The following DNAH12 variants were observed in gnomAD, a reference collection of about 807,000 sequenced individuals.
The protein encoded by DNAH12 is dynein axonemal heavy chain 12, also known as axonemal beta dynein heavy chain 12.
Under a neutral mutation model 371.5 loss-of-function variants are expected in DNAH12, and 285 were observed. The ratio of observed to expected loss-of-function variants is 0.77; its 90% confidence interval spans 0.70 to 0.85. The LOEUF (loss-of-function observed/expected upper bound fraction) is 0.85, where lower values mean the gene tolerates loss of function less well. Ranked by LOEUF, DNAH12 falls within the 40% of genes least tolerant of loss-of-function variation. The pLI, the probability that DNAH12 is intolerant of heterozygous loss-of-function variation, is 0.00. For synonymous variants in DNAH12, 1,200 were observed against 1,213.0 expected (o/e 0.99, Z 0.22); for missense variants, 3,611 against 3,689.4 (o/e 0.98, Z 0.55).
Position 57,421,612 on chromosome 3 carries a change from A to T in DNAH12, c.5468T>A (p.Leu1823Gln), listed in dbSNP as rs752566246. ...VFDTFIRLII[L>Q]GKDDENPVPD... ...CACTGGGTTTTCATCATCTTTTCCC[A>T]GTATGATTAATCGTATGAAAGTATC... Residue 1823 changes from leucine to glutamine, a missense_variant, in exon 36 of 74, where the codon CTG becomes CAG. By Grantham distance (113) the Leu-to-Gln change is moderately radical. Coordinates refer to ENST00000495027, the MANE Select transcript of DNAH12 (RefSeq NM_001366028.2). The T allele has an allele frequency of 1.9e-6, 3 of 1,551,682 alleles. No individual in the cohort carries two copies. In the South Asian group the frequency reaches 3.6e-5, roughly 18 times the overall value.
rs557703399 is a variant in DNAH12, at chr3:57,413,645, C to T, written c.6020+101G>A. ...GTATAGGAAAATCTGAGCAACTATT[C>T]TTTTCCCTAAATATCTTGAAAAATG... On this transcript the variant is annotated intron_variant, in intron 39 of 73. Transcript: ENST00000495027. 1.2e-5 allele frequency: 16 copies of T among 1,280,922 alleles called. No homozygotes were observed. In the South Asian group the frequency reaches 2.3e-4, roughly 18 times the overall value. 79.3% of individuals were successfully genotyped at this position (1,280,922 alleles called of 1,614,324 possible). A position where few individuals can be genotyped will look rare whatever the true frequency, so the allele number is the denominator to read the frequency against.
chr3:57,552,676 G>GA, the DNAH12 span, among the ~76,000 whole-genome samples: 5 of 152,130 alleles, frequency 3.3e-5, no homozygotes, highest in South Asian at 1.0e-3. Flanking sequence ...TTGGGAGGCT[G>GA]AGGCAGGTGG....
At chr3:57,497,241 A>G (rs1368543432) in intron 11 of DNAH12, among the ~76,000 whole-genome samples, 5 of 152,234 alleles carry the variant, frequency 3.3e-5, no homozygotes, top group African/African-American at 1.2e-4. Context: ...TGATAGGTTG[A>G]TTTTAAAATG....
chr3:57,464,447 A>C (rs577685588), intron 17 of DNAH12, among the ~76,000 whole-genome samples: 7 of 152,312 alleles, frequency 4.6e-5, no homozygotes, highest in Non-Finnish European at 1.0e-4. Context: ...ACCCAAGCCA[A>C]ACCTGGGCTT....
At position 57,483,383 on chromosome 3, in the gene DNAH12, C is replaced by A; in HGVS notation, c.1643G>T (p.Arg548Met). The A allele has an allele frequency of 1.3e-6, 2 of 1,543,752 alleles. No homozygotes were observed. Among genetic ancestry groups the A allele is most frequent in the Non-Finnish European group, 1.7e-6 (2 of 1,145,310 alleles). ...RTVGIEELIL[R>M]IQESKRQMSY... ...CAAATTAAAATTCCTTACCTGGATC[C>A]TTAAAATCAACTCTTCGATTCCTAC... is the stretch of plus-strand genomic sequence containing the variant. The change falls in exon 13 of 74, where the codon AGG becomes ATG. Residue 548 changes from arginine (R) to methionine (M), a missense_variant. This residue lies in a region of DNAH12 where 1,314 missense variants were observed against 1,398.7 expected (regional missense o/e 0.94). Coordinates refer to ENST00000495027, the MANE Select transcript of DNAH12 (RefSeq NM_001366028.2).
intron 69 of DNAH12, among the ~76,000 whole-genome samples, chr3:57,308,103 G>A (rs551277314): frequency 7.9e-5 from 12 of 152,230 alleles, no homozygotes; most frequent in African/African-American, 2.9e-4. Flanking sequence ...TGGCAAATTG[G>A]CTTTACTTGA....
intron 34 of DNAH12, among the ~76,000 whole-genome samples, chr3:57,427,735 G>T (rs961587325): frequency 6.6e-6 from 1 of 151,834 alleles, no homozygotes; most frequent in South Asian, 2.1e-4. Flanking sequence ...GCCATGTGAA[G>T]ATGGAAGAAG....
chr3:57,499,321 C>T (rs1340746024), intron 11 of DNAH12, among the ~76,000 whole-genome samples: 1 of 151,866 alleles, frequency 6.6e-6, no homozygotes, highest in African/African-American at 2.4e-5. Flanking sequence ...TTTGTCAAAA[C>T]TCATATAACT....
In DNAH12 at chr3:57,446,940, C is replaced by T. The variant is rs560546733; in HGVS notation, c.3787-251G>A. Among the ~76,000 whole-genome samples the T allele has an allele frequency of 2.6e-5, 4 of 152,254 alleles. No individual in the cohort carries two copies. The Middle Eastern group carries it at 0.014, about 518-fold the overall frequency. On this transcript the variant is annotated intron_variant, in intron 25 of 73. Transcript: ENST00000495027. ...TAGGTATCCCATTTGTTTTTAAAAA[C>T]AATCTAGCCTTATGGGGGTAAAATT...
chr3:57,309,248 T>C lies in DNAH12; in HGVS notation c.11092A>G (p.Ser3698Gly). The C allele has an allele frequency of 6.5e-7, 1 of 1,545,176 alleles. No homozygotes were observed. The highest frequency in any genetic ancestry group is 1.2e-5 in the South Asian group (1 of 82,174). ...AGTGCCATTTCAATGTCGAAATCAC[T>C]AGGGAGCTAAAAGAATAGATTTTGA... ...ITKDILNKLP[S>G]DFDIEMALRK... is the part of the protein sequence containing the mutation. The change falls in exon 69 of 74, where the codon AGT (serine) becomes GGT (glycine). Residue 3698 changes from serine (S) to glycine (G), a missense_variant. Ser to Gly is a moderately conservative substitution (Grantham distance 56). Around this residue, in one of 3 missense-constraint regions of DNAH12, gnomAD observed 2,266 missense variants for 2,236.9 expected, o/e 1.01. Coordinates refer to ENST00000495027, the MANE Select transcript of DNAH12 (RefSeq NM_001366028.2).
chr3:57,297,152 T>C, intron 70 of DNAH12, 168 bp from the exon 71 acceptor site: 1 of 637,106 alleles, frequency 1.6e-6, no homozygotes, highest in Non-Finnish European at 2.7e-6. Flanking sequence ...CTCACCTCTT[T>C]CCCCTTCTAC....
chr3:57,415,937 C>T (rs968447759), intron 37 of DNAH12, among the ~76,000 whole-genome samples: 1 of 151,784 alleles, frequency 6.6e-6, no homozygotes, highest in South Asian at 2.1e-4. Context: ...TACAGGCATG[C>T]ACCACCACAC....
intron 35 of DNAH12, among the ~76,000 whole-genome samples, chr3:57,424,041 C>T (rs966803385): frequency 1.2e-4 from 18 of 152,106 alleles, no homozygotes; most frequent in Admixed American, 9.8e-4. Context: ...ACCCAGCCTA[C>T]TCCTGGTCTT....
Position 57,314,644 on chromosome 3 carries a change from A to C in DNAH12, c.10525-13T>G. Reference sequence around the variant, plus strand: ...ACTTCTCCCAGGCCTTTAATATAAAAAGTACATAACAAGAAAAAAAATTCC... The same window carrying C: ...ACTTCTCCCAGGCCTTTAATATAAACAGTACATAACAAGAAAAAAAATTCC... On this transcript the variant is annotated splice_polypyrimidine_tract_variant and intron_variant, in intron 65 of 73. Transcript: ENST00000495027. 6.6e-7 allele frequency: 1 copy of C among 1,524,928 alleles called. No individual in the cohort carries two copies. Among genetic ancestry groups the C allele is most frequent in the Non-Finnish European group, 8.8e-7 (1 of 1,140,294 alleles). The allele number at this position is 1,524,928 out of a possible 1,614,324, so 94.5% of individuals were successfully genotyped here.
At chr3:57,520,382 C>T (rs867383363) in intron 4 of DNAH12, among the ~76,000 whole-genome samples, 1 of 151,170 alleles carries the variant, frequency 6.6e-6, no homozygotes, top group African/African-American at 2.4e-5. Flanking sequence ...TGAGCCACTG[C>T]GCCTGACCGT....
At chr3:57,361,115 C>T (rs997166518) in intron 58 of DNAH12, among the ~76,000 whole-genome samples, 4 of 151,790 alleles carry the variant, frequency 2.6e-5, no homozygotes, top group Admixed American at 6.6e-5. Context: ...TTTGGGAGGC[C>T]GAGACGGGTA....
At chr3:57,385,467 G>A (rs2063481356) in intron 47 of DNAH12, 38 bp from the exon 48 acceptor site, 1 of 152,296 alleles carries the variant, frequency 6.6e-6, no homozygotes, top group South Asian at 2.1e-4. Context: ...AGTTTCCATT[G>A]CTATAATTGC....
chr3:57,346,694 A>G (rs1044066928), intron 60 of DNAH12, among the ~76,000 whole-genome samples: 2 of 151,060 alleles, frequency 1.3e-5, no homozygotes, highest in African/African-American at 5.0e-5. Flanking sequence ...AGACCCAACT[A>G]TATGCTGTCT....
In DNAH12 at chr3:57,428,711, T is replaced by C; in HGVS notation, c.5175A>G (p.Pro1725=). The C allele has an allele frequency of 1.3e-6, 2 of 1,551,546 alleles. No individual in the cohort carries two copies. Among genetic ancestry groups the C allele is most frequent in the South Asian group, 2.4e-5 (2 of 84,002 alleles). The part of the protein sequence containing the change: ...LNSLKGPLCE[P]EYQALLRGLF... ...GTCCTCTCAGAAGAGCTTGATATTC[T>C]GGTTCACACAGAGGTCCTTTCAGTG... The change falls in exon 34 of 74, where the codon CCA becomes CCG. Residue 1725 remains proline (P), a synonymous_variant. Transcript: ENST00000495027.
Sources: allele counts gnomAD v4.1 joint callset (sites outside exome capture counted in the v4.1 genomes callset), GRCh38; gene constraint gnomAD v4.1.1; regional missense constraint gnomAD v4.1.1; transcripts MANE v1.5; gene names NCBI Gene and HGNC (gene_info 2026-07-23, HGNC 2026-07-21).